The following AASDH variants were observed in gnomAD, a reference collection of about 807,000 sequenced individuals.
AASDH encodes beta-alanine-activating enzyme.
AASDH carries 81 observed loss-of-function variants against 102.3 expected under a neutral mutation model. The ratio of observed to expected loss-of-function variants is 0.79; its 90% CI spans 0.66 to 0.95. The LOEUF is 0.95. AASDH is among the 40% of genes least tolerant of loss of function. AASDH has a pLI of 0.00. For missense variants in AASDH, 1,203 were observed against 1,266.2 expected (o/e 0.95, Z 0.76); for synonymous variants, 398 against 454.0 (o/e 0.88, Z 1.57).
rs1418965733 is a variant in AASDH, at chr4:56,349,807, G to T, written c.1944C>A (p.Leu648=). 10 of 1,614,036 alleles carry T rather than the reference G, an allele frequency of 6.2e-6. No homozygotes were observed. The highest frequency in any genetic ancestry group is 8.5e-6 in the Non-Finnish European group (10 of 1,180,040). Residue 648 remains leucine, a synonymous_variant, in exon 11 of 15, where the codon CTC becomes CTA. Coordinates refer to ENST00000205214, the MANE Select transcript of AASDH (RefSeq NM_181806.4). ...TGGCTTCCTCTTGATTAATGTCGCTGAGTTTCCTTTTTGTGGCACAACTCT... is the reference window on the plus strand; with the variant it reads ...TGGCTTCCTCTTGATTAATGTCGCTTAGTTTCCTTTTTGTGGCACAACTCT... ...FRKSCATKRK[L]SDINQEEASG...
Position 56,338,531 on chromosome 4 carries a change from T to C in AASDH, c.3168A>G (p.Gln1056=), listed in dbSNP as rs1747153753. 1.2e-6 allele frequency: 2 copies of C among 1,613,830 alleles called. No individual in the cohort carries two copies. The highest frequency in any genetic ancestry group is 4.5e-5 in the East Asian group (2 of 44,854). The change falls in exon 15 of 15, where the codon CAA becomes CAG. Residue 1056 remains glutamine (Q), a synonymous_variant. Coordinates refer to ENST00000205214, the MANE Select transcript of AASDH (RefSeq NM_181806.4). ...KVWILESQSG[Q]LQSVYELPGE... Reference sequence around the variant, plus strand: ...CAGGAAGTTCATAAACACTTTGCAATTGTCCACTCTGAGATTCCAAGATCC... The same window carrying C: ...CAGGAAGTTCATAAACACTTTGCAACTGTCCACTCTGAGATTCCAAGATCC...
At chr4:56,363,827 A>T (rs1750643827) in intron 5 of AASDH, among the ~76,000 whole-genome samples, 1 of 152,196 alleles carries the variant, frequency 6.6e-6, no homozygotes. Flanking sequence ...CTCCTCCTCC[A>T]AAGGAACGCA....
At chr4:56,339,704 T>TCA (rs1299437251) in intron 14 of AASDH, among the ~76,000 whole-genome samples, 1 of 139,954 alleles carries the variant, frequency 7.1e-6, no homozygotes. Context: ...TGAGCCAAGA[T>TCA]CACACTACTG....
At chr4:56,345,546 G>A (rs182759532) in intron 11 of AASDH, among the ~76,000 whole-genome samples, 35 of 152,210 alleles carry the variant, frequency 2.3e-4, no homozygotes, top group African/African-American at 6.0e-4. Flanking sequence ...TTTAAGAAGC[G>A]CTTCACTACT....
intron 13 of AASDH, 93 bp downstream of exon 13, chr4:56,343,469 A>T: frequency 9.9e-7 from 1 of 1,010,762 alleles, no homozygotes. Flanking sequence ...ACTACAATTA[A>T]CTGAAAACTA....
At chr4:56,367,185 G>T (rs1307028881) in intron 5 of AASDH, among the ~76,000 whole-genome samples, 1 of 151,996 alleles carries the variant, frequency 6.6e-6, no homozygotes, top group Non-Finnish European at 1.5e-5. Flanking sequence ...TCTTCAAGGA[G>T]AACTACAAAC....
Position 56,354,206 on chromosome 4 carries a change from T to G in AASDH, c.1216A>C (p.Arg406=). 6.4e-7 allele frequency: 1 copy of G among 1,565,712 alleles called. No homozygotes were observed. Among genetic ancestry groups the G allele is most frequent in the Non-Finnish European group, 8.7e-7 (1 of 1,154,688 alleles). The change falls in exon 8 of 15, where the codon AGA becomes CGA. Residue 406 remains arginine, a synonymous_variant. Coordinates refer to ENST00000205214, the MANE Select transcript of AASDH (RefSeq NM_181806.4). ...EGSGQVFLGG[R]NRVCFLDDEV... Reference sequence around the variant, plus strand: ...TCATCAAGAAAACACACTCTGTTTCTGCCACCTTCCCAAGATATAAACACC... The same window carrying G: ...TCATCAAGAAAACACACTCTGTTTCGGCCACCTTCCCAAGATATAAACACC...
chr4:56,344,441 T>A (rs999714314), intron 12 of AASDH, among the ~76,000 whole-genome samples: 11 of 152,124 alleles, frequency 7.2e-5, no homozygotes, highest in Admixed American at 6.5e-4. Context: ...TTCTTTGGGG[T>A]CCTGTGTATT....
At chr4:56,366,671 C>A (rs1180050725) in intron 5 of AASDH, among the ~76,000 whole-genome samples, 1 of 151,316 alleles carries the variant, frequency 6.6e-6, no homozygotes, top group African/African-American at 2.4e-5. Flanking sequence ...AATTCAACAA[C>A]CCTTCATGCT....
intron 1 of AASDH, among the ~76,000 whole-genome samples, chr4:56,386,712 C>G (rs1850925): frequency 0.63 from 90,074 of 142,778 alleles, 28,306 homozygotes; most frequent in Admixed American, 0.71. Flanking sequence ...AGAATGGCGT[C>G]AACCCGGGAA....
At chr4:56,372,109 T>C (rs778450623) in intron 4 of AASDH, among the ~76,000 whole-genome samples, 1 of 152,236 alleles carries the variant, frequency 6.6e-6, no homozygotes, top group African/African-American at 2.4e-5. Context: ...TATCCAGGGT[T>C]GGCTGGATTT....
chr4:56,365,650 C>A (rs778473749), intron 5 of AASDH, among the ~76,000 whole-genome samples: 3,069 of 152,024 alleles, frequency 0.02, 41 homozygotes, highest in South Asian at 0.045. Flanking sequence ...AGGCAGAAAT[C>A]AAGATGTTCT....
At chr4:56,342,413 A>G (rs988520419) in intron 14 of AASDH, among the ~76,000 whole-genome samples, 1 of 152,146 alleles carries the variant, frequency 6.6e-6, no homozygotes, top group African/African-American at 2.4e-5. Context: ...CATACCCCAT[A>G]AATAGGTACA....
chr4:56,358,562 G>C (rs536854481), intron 5 of AASDH, among the ~76,000 whole-genome samples: 6 of 151,398 alleles, frequency 4.0e-5, no homozygotes, highest in African/African-American at 1.5e-4. Context: ...AATCATAAAT[G>C]GGTGTTAGAT....
intron 14 of AASDH, 148 bp from the exon 15 acceptor site, chr4:56,338,939 A>C (rs1433398003): frequency 2.8e-5 from 21 of 760,942 alleles, no homozygotes; most frequent in Non-Finnish European, 4.3e-5. Context: ...TTTTCTGAAA[A>C]GTAGCACTAT....
At chr4:56,353,702 G>A (rs2109891725) in intron 8 of AASDH, 106 bp from the exon 9 acceptor site, 1 of 1,012,008 alleles carries the variant, frequency 9.9e-7, no homozygotes, top group Non-Finnish European at 1.4e-6. Context: ...ATTAAATTTT[G>A]GAATATACTG....
At chr4:56,354,843 A>T in intron 6 of AASDH, 32 bp from the exon 7 acceptor site, 1 of 1,509,258 alleles carries the variant, frequency 6.6e-7, no homozygotes, top group East Asian at 2.3e-5. Context: ...CAGATTTAAA[A>T]TTTTTCATTT....
chr4:56,370,790 G>A (rs1298295533), intron 5 of AASDH, among the ~76,000 whole-genome samples: 2 of 152,048 alleles, frequency 1.3e-5, no homozygotes, highest in Admixed American at 6.6e-5. Context: ...ATTTGAGATG[G>A]GTATTATTTC....
rs1303233982 is a variant in AASDH at position 56,338,602 on chromosome 4, T to C, written c.3097A>G (p.Ser1033Gly). 1 of 1,614,104 alleles carries C rather than the reference T, an allele frequency of 6.2e-7. No homozygotes were observed. Among genetic ancestry groups the C allele is most frequent in the East Asian group, 2.2e-5 (1 of 44,888 alleles). ...TPFAFHNYNGSNEMLLAAAST... is the reference protein window; with the variant it reads ...TPFAFHNYNGGNEMLLAAAST... ...GCTGCTGCCAGCAACATTTCATTGC[T>C]GCCATTGTAGTTATGGAAAGCAAAC... Residue 1033 changes from serine (S) to glycine (G), a missense_variant, in exon 15 of 15, where the codon AGC (serine) becomes GGC (glycine). Physicochemically the swap from Ser to Gly is moderately conservative, Grantham distance 56. Coordinates refer to ENST00000205214, the MANE Select transcript of AASDH (RefSeq NM_181806.4).
Sources: allele counts gnomAD v4.1 joint callset (sites outside exome capture counted in the v4.1 genomes callset), GRCh38; gene constraint gnomAD v4.1.1; transcripts MANE v1.5; gene names NCBI Gene and HGNC (gene_info 2026-07-23, HGNC 2026-07-21).